CRB1: variants seen among roughly 807,000 people sequenced by gnomAD.
CRB1 encodes protein crumbs homolog 1.
A neutral mutation model predicts 120.0 loss-of-function variants in CRB1; 83 were observed. That is an observed-to-expected ratio of 0.69 (90% CI 0.58 to 0.83). The LOEUF (loss-of-function observed/expected upper bound fraction) is 0.83. Ranked by LOEUF, CRB1 falls within the 40% of genes least tolerant of loss-of-function variation. CRB1 has a pLI of 0.00. For missense variants in CRB1, 1,699 were observed against 1,687.6 expected, an observed-to-expected ratio of 1.01 and a Z score of -0.12; for synonymous variants, 625 against 612.5, an observed-to-expected ratio of 1.02 and a Z score of -0.30.
At chr1:197,435,751 A>C in intron 9 of CRB1, 139 bp downstream of exon 9, 1 of 776,394 alleles carries the variant, frequency 1.3e-6, no homozygotes, top group Non-Finnish European at 2.1e-6. Context: ...TTCTGTCACA[A>C]TTTGGTCATG....
At chr1:197,317,304 G>A (rs760968646) in intron 1 of CRB1, among the ~76,000 whole-genome samples, 1 of 152,166 alleles carries the variant, frequency 6.6e-6, no homozygotes, top group Non-Finnish European at 1.5e-5. Context: ...TGTAATCCCA[G>A]CTACTGGGGA....
At chr1:197,319,601 C>T (rs1164486105) in intron 1 of CRB1, among the ~76,000 whole-genome samples, 1 of 151,944 alleles carries the variant, frequency 6.6e-6, no homozygotes, top group Non-Finnish European at 1.5e-5. Flanking sequence ...TTTCTTTTCT[C>T]TCTGAGTGTA....
intron 5 of CRB1, among the ~76,000 whole-genome samples, chr1:197,400,682 C>G (rs1468400439): frequency 6.6e-6 from 1 of 152,142 alleles, no homozygotes; most frequent in African/African-American, 2.4e-5. Context: ...GTTTCTCACT[C>G]GGATACTATC....
chr1:197,219,857 C>T, the CRB1 span, among the ~76,000 whole-genome samples: 956 of 152,278 alleles, frequency 6.3e-3, 13 homozygotes, highest in African/African-American at 0.022. Flanking sequence ...TCCTCATAAA[C>T]GGTTGTGTAG....
chr1:197,368,247 A>C (rs1343227246), intron 5 of CRB1, among the ~76,000 whole-genome samples: 1 of 152,174 alleles, frequency 6.6e-6, no homozygotes, highest in Non-Finnish European at 1.5e-5. Flanking sequence ...TGAGAATATA[A>C]ATCCTAGGAC....
chr1:197,339,655 C>T (rs748251208), intron 2 of CRB1, among the ~76,000 whole-genome samples: 2 of 152,132 alleles, frequency 1.3e-5, no homozygotes, highest in Non-Finnish European at 2.9e-5. Flanking sequence ...ATGAAGACAG[C>T]GTCAAAGTCA....
At chr1:197,374,672 A>C (rs1383365266) in intron 5 of CRB1, among the ~76,000 whole-genome samples, 1 of 152,294 alleles carries the variant, frequency 6.6e-6, no homozygotes, top group African/African-American at 2.4e-5. Flanking sequence ...CTTTCAATTC[A>C]ATTTCTCTTG....
rs62636291 is a variant in CRB1, at chr1:197,435,404, T to G, written c.3541T>G (p.Cys1181Gly). ...ACACTGTGAACTCAACATCGATGAATGCTTTTCAAACCCCTGTATCCATGG... is the reference window on the plus strand; with the variant it reads ...ACACTGTGAACTCAACATCGATGAAGGCTTTTCAAACCCCTGTATCCATGG... ...GKHCELNIDE[C>G]FSNPCIHGNC... is the part of the protein sequence containing the mutation. The change falls in exon 9 of 12, where the codon TGC (cysteine) becomes GGC (glycine). Residue 1181 changes from cysteine to glycine, a missense_variant. Physicochemically the swap from Cys to Gly is radical, Grantham distance 159 (BLOSUM62 -3). Transcript: ENST00000367400. The G allele has an allele frequency of 6.2e-7, 1 of 1,605,798 alleles. No homozygotes were observed. The highest frequency in any genetic ancestry group is 1.3e-5 in the African/African-American group (1 of 74,574).
chr1:197,400,973 C>A (rs1258914093), intron 5 of CRB1, among the ~76,000 whole-genome samples: 1 of 152,056 alleles, frequency 6.6e-6, no homozygotes, highest in Non-Finnish European at 1.5e-5. Context: ...TTCTTCCCTT[C>A]CCCAACACAC....
At chr1:197,292,967 CA>C (rs1328250862) in intron 1 of CRB1, among the ~76,000 whole-genome samples, 2 of 152,176 alleles carry the variant, frequency 1.3e-5, no homozygotes, top group South Asian at 2.1e-4. Context: ...ACTGAATGGG[CA>C]AAAACTGGAA....
chr1:197,451,327 T>C (rs1233704449), intron 11 of CRB1, among the ~76,000 whole-genome samples: 1 of 152,132 alleles, frequency 6.6e-6, no homozygotes, highest in African/African-American at 2.4e-5. Flanking sequence ...GGTGGAAAAA[T>C]GACATTTGCG....
chr1:197,387,924 C>A (rs893358151), intron 5 of CRB1, among the ~76,000 whole-genome samples: 1 of 151,682 alleles, frequency 6.6e-6, no homozygotes, highest in African/African-American at 2.4e-5. Context: ...TTTTCCCCAA[C>A]CTCCCCTCAC....
chr1:197,214,526 G>A, the CRB1 span, among the ~76,000 whole-genome samples: 52,748 of 151,998 alleles, frequency 0.35, 11,548 homozygotes, highest in East Asian at 0.76. Context: ...TGTGGATCCT[G>A]AGGGATGACT....
At chr1:197,354,745 T>C (rs747037181) in intron 4 of CRB1, among the ~76,000 whole-genome samples, 8 of 132,344 alleles carry the variant, frequency 6.0e-5, no homozygotes, top group East Asian at 5.1e-4. Flanking sequence ...GCCTCCACAG[T>C]GTACAACATG....
At chr1:197,240,277 C>T in the CRB1 span, among the ~76,000 whole-genome samples, 1 of 151,972 alleles carries the variant, frequency 6.6e-6, no homozygotes, top group Non-Finnish European at 1.5e-5. Context: ...GTGCAGGTTT[C>T]CTACGTAAGT....
At chr1:197,448,886 T>A (rs1229919995) in intron 11 of CRB1, among the ~76,000 whole-genome samples, 1 of 152,254 alleles carries the variant, frequency 6.6e-6, no homozygotes, top group African/African-American at 2.4e-5. Flanking sequence ...GCTCTACAAA[T>A]GTCTGTAAAA....
At chr1:197,333,935 G>T (rs1363539412) in intron 2 of CRB1, among the ~76,000 whole-genome samples, 1 of 152,138 alleles carries the variant, frequency 6.6e-6, no homozygotes, top group Non-Finnish European at 1.5e-5. Context: ...CAAACTTATT[G>T]TATCCAAGGA....
the CRB1 span, among the ~76,000 whole-genome samples, chr1:197,262,283 C>G: frequency 2.8e-4 from 43 of 152,130 alleles, no homozygotes; most frequent in African/African-American, 1.0e-3. Flanking sequence ...TGTTCTGGAT[C>G]TTCACTTGGT....
At chr1:197,325,807 A>G (rs187726706) in intron 1 of CRB1, among the ~76,000 whole-genome samples, 8 of 152,332 alleles carry the variant, frequency 5.3e-5, no homozygotes, top group African/African-American at 1.9e-4. Flanking sequence ...AGGAGTGTTT[A>G]TCTAGCTAAA....
Sources: gnomAD v4.1 joint callset for allele counts (sites outside exome capture counted in the v4.1 genomes callset) on GRCh38, gnomAD v4.1.1 for gene constraint, MANE v1.5 for transcripts, NCBI Gene and HGNC (gene_info 2026-07-23, HGNC 2026-07-21) for gene names.